Variants in CPA4 observed in about 807,000 individuals in gnomAD.
CPA4 encodes the protein carboxypeptidase A3.
A neutral mutation model predicts 54.7 loss-of-function variants in CPA4; 49 were observed. The ratio of observed to expected loss-of-function variants is 0.90; its 90% confidence interval spans 0.71 to 1.14. CPA4 has a LOEUF of 1.14. Ranked by LOEUF, CPA4 falls within the 50% of genes most tolerant of loss-of-function variation. CPA4 has a pLI of 0.00. For missense variants in CPA4, 487 were observed against 525.1 expected, an observed-to-expected ratio of 0.93 and a Z score of 0.71; for synonymous variants, 215 against 206.8, an observed-to-expected ratio of 1.04 and a Z score of -0.34.
chr7:130,322,768 C>A lies in CPA4; in HGVS notation c.*92C>A. 7.5e-7 allele frequency: 1 copy of A among 1,331,998 alleles called. No homozygotes were observed. The highest frequency in any genetic ancestry group is 1.4e-5 in the South Asian group (1 of 71,296). 82.5% of individuals were successfully genotyped at this position (1,331,998 alleles called of 1,614,324 possible). ...GGAGCTCTTTCCTACCTGTGTGAGT[C>A]AGAGCCCTCTGGGTTTGTGGAGCAC... On this transcript the variant is annotated 3_prime_UTR_variant, in exon 11 of 11. Coordinates refer to ENST00000222482, the MANE Select transcript of CPA4 (RefSeq NM_016352.4).
rs1470083591 is a variant in CPA4, at chr7:130,310,878, C to T, written c.885C>T (p.Ile295=). 1 of 1,614,048 alleles carries T rather than the reference C, an allele frequency of 6.2e-7. No homozygotes were observed. The highest frequency in any genetic ancestry group is 1.7e-5 in the Admixed American group (1 of 60,012). The part of the protein sequence containing the change: ...EVEVKSVVDF[I]QKHGNFKGFI... ...AGGTGAAATCAGTGGTAGATTTCAT[C>T]CAAAAACATGGGAATTTCAAGGGCT... Residue 295 remains isoleucine, a synonymous_variant, in exon 9 of 11, where the codon ATC becomes ATT. Transcript: ENST00000222482. This position sits in a 1 kb window ranked among gnomAD's most constrained non-coding sequence, Gnocchi z 4.3.
Position 130,322,655 on chromosome 7 carries a change from T to A in CPA4, c.1245T>A (p.His415Gln). The A allele has an allele frequency of 6.2e-7, 1 of 1,613,986 alleles. No homozygotes were observed. Among genetic ancestry groups the A allele is most frequent in the South Asian group, 1.1e-5 (1 of 91,052 alleles). Residue 415 changes from histidine to glutamine, a missense_variant, in exon 11 of 11, where the codon CAT (histidine) becomes CAA (glutamine). His to Gln is a conservative substitution (Grantham distance 24, BLOSUM62 0). Transcript: ENST00000222482. ...TGGGGCTGAAGACCATCATGGAGCATGTGCGGGACAACCTCTACTAGGCGA... is the reference window on the plus strand; with the variant it reads ...TGGGGCTGAAGACCATCATGGAGCAAGTGCGGGACAACCTCTACTAGGCGA... ...TWLGLKTIME[H>Q]VRDNLY
At chr7:130,318,535 C>T (rs750601689) in intron 10 of CPA4, among the ~76,000 whole-genome samples, 22 of 152,186 alleles carry the variant, frequency 1.4e-4, no homozygotes, top group Non-Finnish European at 2.4e-4. Context: ...CCTCAGCCTC[C>T]CGAGTAACTG....
At chr7:130,307,144 C>T (rs544859164) in intron 7 of CPA4, among the ~76,000 whole-genome samples, 2 of 152,152 alleles carry the variant, frequency 1.3e-5, no homozygotes, top group South Asian at 4.2e-4. Context: ...CATCTCTTGC[C>T]CTCCCACACA....
intron 10 of CPA4, among the ~76,000 whole-genome samples, chr7:130,319,404 T>G (rs1331042776): frequency 6.6e-6 from 1 of 152,230 alleles, no homozygotes; most frequent in Non-Finnish European, 1.5e-5. Flanking sequence ...AGGGTGTTCA[T>G]GACAGCATTA....
At chr7:130,311,307 G>A (rs1793909383) in intron 9 of CPA4, among the ~76,000 whole-genome samples, 1 of 152,278 alleles carries the variant, frequency 6.6e-6, no homozygotes, top group Admixed American at 6.5e-5. Flanking sequence ...TGGGCAAGGG[G>A]GAGAGATCCT....
chr7:130,296,837 A>G (rs542607579), intron 1 of CPA4, among the ~76,000 whole-genome samples: 2 of 148,942 alleles, frequency 1.3e-5, no homozygotes, highest in South Asian at 4.3e-4. Context: ...CACTTTAAAG[A>G]TACCCCCTCT....
rs1794140263 is a variant in CPA4, at chr7:130,322,875, C to G, written c.*199C>G. Reference sequence around the variant, plus strand: ...TGCAAGAACTGGTTCTGCCAGCCTGCTCAATTTTGGTCCTGCTGTTTTTGA... The same window carrying G: ...TGCAAGAACTGGTTCTGCCAGCCTGGTCAATTTTGGTCCTGCTGTTTTTGA... On this transcript the variant is annotated 3_prime_UTR_variant, in exon 11 of 11. Coordinates refer to ENST00000222482, the MANE Select transcript of CPA4 (RefSeq NM_016352.4). 2.0e-6 allele frequency: 1 copy of G among 494,000 alleles called. No individual in the cohort carries two copies. The highest frequency in any genetic ancestry group is 1.9e-5 in the African/African-American group (1 of 51,564). The allele number at this position is 494,000 out of a possible 1,614,324, so 30.6% of individuals were successfully genotyped here.
At position 130,298,733 on chromosome 7, in the gene CPA4, G is replaced by A. The variant is rs373465086; in HGVS notation, c.69-13G>A. ...TATCTTTTGCTCTTTTTTCCTTTTC[G>A]CTTCTTCCCCAGGGACCAAGTTTTG... On this transcript the variant is annotated splice_polypyrimidine_tract_variant and intron_variant, in intron 1 of 10. Transcript: ENST00000222482. 4.6e-5 allele frequency: 72 copies of A among 1,568,752 alleles called. No homozygotes were observed. Among genetic ancestry groups the A allele is most frequent in the Middle Eastern group, 1.7e-4 (1 of 5,980 alleles).
intron 10 of CPA4, among the ~76,000 whole-genome samples, chr7:130,320,658 G>A (rs1275159321): frequency 6.6e-6 from 1 of 152,196 alleles, no homozygotes; most frequent in South Asian, 2.1e-4. Flanking sequence ...TGGTTGAGGA[G>A]AGCCTGGGCT....
chr7:130,314,680 A>G (rs1292870045), intron 10 of CPA4, among the ~76,000 whole-genome samples: 5 of 152,214 alleles, frequency 3.3e-5, no homozygotes. Flanking sequence ...ACTGAAAGAA[A>G]CAAGAAAAAG....
In CPA4 at chr7:130,305,897, A is replaced by G; in HGVS notation, c.568A>G (p.Thr190Ala). 2 of 1,613,996 alleles carry G rather than the reference A, an allele frequency of 1.2e-6. No individual in the cohort carries two copies. The highest frequency in any genetic ancestry group is 8.5e-7 in the Non-Finnish European group (1 of 1,179,914). Residue 190 changes from threonine to alanine, a missense_variant, in exon 6 of 11, where the codon ACT becomes GCT. Physicochemically the swap from Thr to Ala is moderately conservative, Grantham distance 58. Transcript: ENST00000222482. ...IHSREWISQA[T>A]AIWTARKIVS... The stretch of plus-strand genomic sequence containing the variant: ...TTCCCGAGAGTGGATCTCCCAGGCC[A>G]CTGCAATCTGGACGGCAAGGAAGGT...
chr7:130,320,088 A>T (rs1467922250), intron 10 of CPA4, among the ~76,000 whole-genome samples: 2 of 152,186 alleles, frequency 1.3e-5, no homozygotes. Context: ...AGTGTCTAAA[A>T]TGTCCACCTA....
chr7:130,303,519 CTG>C (rs1238117951), intron 4 of CPA4, among the ~76,000 whole-genome samples: 1 of 151,326 alleles, frequency 6.6e-6, no homozygotes, highest in Admixed American at 6.6e-5. Flanking sequence ...GTGTGTGTGT[CTG>C]TGTGTGTGTA....
chr7:130,313,960 A>G (rs554024672), intron 10 of CPA4, among the ~76,000 whole-genome samples: 36 of 152,352 alleles, frequency 2.4e-4, no homozygotes, highest in African/African-American at 8.4e-4. Flanking sequence ...GACACCCACT[A>G]TGGTAGAGAT....
intron 10 of CPA4, among the ~76,000 whole-genome samples, chr7:130,315,586 C>A (rs1198569837): frequency 6.6e-6 from 1 of 152,006 alleles, no homozygotes; most frequent in Admixed American, 6.6e-5. Flanking sequence ...GAAAGAGGCA[C>A]CCCGAACCTG....
intron 10 of CPA4, among the ~76,000 whole-genome samples, chr7:130,319,225 G>T (rs1794044734): frequency 6.6e-6 from 1 of 152,176 alleles, no homozygotes; most frequent in South Asian, 2.1e-4. Flanking sequence ...TCCAGGAAGG[G>T]CTTGGAAACA....
At chr7:130,317,144 C>T (rs1013565369) in intron 10 of CPA4, among the ~76,000 whole-genome samples, 1 of 152,106 alleles carries the variant, frequency 6.6e-6, no homozygotes, top group Non-Finnish European at 1.5e-5. Flanking sequence ...GTCAGCTTCC[C>T]AAAGTGTTGA....
Position 130,299,339 on chromosome 7 carries a change from C to A in CPA4, c.220C>A (p.Gln74Lys), listed in dbSNP as rs546291221. The change falls in exon 3 of 11, where the codon CAG becomes AAG. Residue 74 changes from glutamine to lysine, a missense_variant. By Grantham distance (53) the Gln-to-Lys change is moderately conservative (BLOSUM62 1). Transcript: ENST00000222482. ...TGTCCTGGTCCCATCTGTCAGTCTG[C>A]AGGCATTTAAATCCTTCCTGAGATC... ...VDVLVPSVSLQAFKSFLRSQG... is the reference protein window; with the variant it reads ...VDVLVPSVSLKAFKSFLRSQG... 5.6e-6 allele frequency: 9 copies of A among 1,613,364 alleles called. No individual in the cohort carries two copies. In the South Asian group the frequency reaches 8.8e-5, roughly 16 times the overall value.
Sources: gnomAD v4.1 joint callset for allele counts (sites outside exome capture counted in the v4.1 genomes callset) on GRCh38, gnomAD v4.1.1 for gene constraint, Gnocchi (gnomAD v3.1) non-coding constraint, MANE v1.5 for transcripts, NCBI Gene and HGNC (gene_info 2026-07-23, HGNC 2026-07-21) for gene names.